MCC: variants seen among roughly 807,000 people sequenced by gnomAD.
MCC encodes the protein colorectal mutant cancer protein.
MCC carries 90 observed loss-of-function variants against 116.2 expected under a neutral mutation model. The ratio of observed to expected loss-of-function variants is 0.77; its 90% CI spans 0.65 to 0.92. The LOEUF (loss-of-function observed/expected upper bound fraction) is 0.92. Ranked by LOEUF, MCC falls within the 40% of genes least tolerant of loss-of-function variation. The pLI is 0.00. For missense variants in MCC, 1,516 were observed against 1,312.2 expected (o/e 1.16, Z -2.40); for synonymous variants, 578 against 510.5 (o/e 1.13, Z -1.78).
rs1477352213 is a variant in MCC at position 113,024,127 on chromosome 5, C to CT, written c.*3174dup. 1 of 152,034 alleles carries CT rather than the reference C, an allele frequency of 6.6e-6. No individual in the cohort carries two copies. The highest frequency in any genetic ancestry group is 2.4e-5 in the African/African-American group (1 of 41,274). The allele number at this position is 152,034 out of a possible 1,614,324, so 9.4% of individuals were successfully genotyped here. On this transcript the variant is annotated 3_prime_UTR_variant, in exon 19 of 19. Transcript: ENST00000408903. Reference sequence around the variant, plus strand: ...TTCCTTTTGGAGTAGAATGTCAAGGCTCTGACTTAGAAGAGGTCCCTCTAA... The same window carrying CT: ...TTCCTTTTGGAGTAGAATGTCAAGGCTTCTGACTTAGAAGAGGTCCCTCTAA...
chr5:113,048,963 G>A (rs998058562), intron 16 of MCC, 130 bp downstream of exon 16: 84 of 812,234 alleles, frequency 1.0e-4, no homozygotes, highest in Middle Eastern at 6.2e-4. Flanking sequence ...AGATACCTAC[G>A]AATGGCCTGC....
chr5:113,130,266 T>C (rs1758342610), intron 5 of MCC, among the ~76,000 whole-genome samples: 2 of 152,074 alleles, frequency 1.3e-5, no homozygotes, highest in African/African-American at 4.8e-5. Context: ...TGTTCTCACT[T>C]ATAAGTGGAA....
intron 14 of MCC, among the ~76,000 whole-genome samples, chr5:113,063,218 G>A (rs543277420): frequency 6.6e-6 from 1 of 152,322 alleles, no homozygotes; most frequent in Non-Finnish European, 1.5e-5. Flanking sequence ...GGTAAATAAA[G>A]GGAAGGCATT....
intron 3 of MCC, among the ~76,000 whole-genome samples, chr5:113,174,806 C>T (rs1761246849): frequency 1.3e-5 from 2 of 152,034 alleles, no homozygotes; most frequent in Non-Finnish European, 2.9e-5. Context: ...CCAGGCTGGT[C>T]TCAAACTCCT....
intron 3 of MCC, among the ~76,000 whole-genome samples, chr5:113,180,761 G>T (rs1285555058): frequency 2.0e-5 from 3 of 152,054 alleles, no homozygotes; most frequent in African/African-American, 7.2e-5. Context: ...AACATTAATG[G>T]CATGTCTATC....
At chr5:113,065,780 C>T (rs529245034) in intron 13 of MCC, among the ~76,000 whole-genome samples, 20 of 152,350 alleles carry the variant, frequency 1.3e-4, no homozygotes, top group Admixed American at 2.6e-4. Context: ...TGTGCAACAG[C>T]TCTATGGCAT....
intron 1 of MCC, among the ~76,000 whole-genome samples, chr5:113,438,620 A>C (rs1346504144): frequency 6.6e-6 from 1 of 152,170 alleles, no homozygotes; most frequent in Non-Finnish European, 1.5e-5. Context: ...CATTGGGCCC[A>C]AGTTATGTAC....
At chr5:113,297,749 CAAAAAAAAAAA>C (rs57148050) in intron 3 of MCC, among the ~76,000 whole-genome samples, 7 of 60,544 alleles carry the variant, frequency 1.2e-4, no homozygotes, top group African/African-American at 3.0e-4. Context: ...GACTCTGTCT[CAAAAAAAAAAA>C]AAAAAAAAAA....
intron 3 of MCC, among the ~76,000 whole-genome samples, chr5:113,250,901 G>T (rs1764776333): frequency 6.6e-6 from 1 of 152,176 alleles, no homozygotes; most frequent in African/African-American, 2.4e-5. Context: ...CACAGCCCCT[G>T]CAACAGGTAA....
chr5:113,345,085 G>C (rs1768100399), intron 2 of MCC, among the ~76,000 whole-genome samples: 2 of 152,006 alleles, frequency 1.3e-5, no homozygotes, highest in African/African-American at 4.8e-5. Context: ...GCTGACTGAA[G>C]AGCCTTTGCA....
In MCC at chr5:113,321,455, C is replaced by A. The variant is rs879592793; in HGVS notation, c.627+19064G>T. ...AGGAGGTAAAATCTAAGTCAGAGCT[C>A]GGCCTTCTGGATCTGAGAGGAAATG... is the stretch of plus-strand genomic sequence containing the variant. On this transcript the variant is annotated intron_variant, in intron 3 of 18. Coordinates refer to ENST00000408903, the MANE Select transcript of MCC (RefSeq NM_001085377.2). Among the ~76,000 whole-genome samples the A allele has an allele frequency of 2.6e-5, 4 of 152,170 alleles. No individual in the cohort carries two copies. In the East Asian group the frequency reaches 7.7e-4, roughly 29 times the overall value.
At chr5:113,375,986 G>A (rs189527439) in intron 2 of MCC, among the ~76,000 whole-genome samples, 29 of 152,206 alleles carry the variant, frequency 1.9e-4, no homozygotes, top group Admixed American at 4.6e-4. Flanking sequence ...GTGTCATAGC[G>A]AAGGCACGTA....
chr5:113,178,796 A>G (rs752570919), intron 3 of MCC, among the ~76,000 whole-genome samples: 17 of 152,062 alleles, frequency 1.1e-4, no homozygotes, highest in Admixed American at 2.0e-4. Context: ...TTTTCCTCCT[A>G]TCCTACCCTC....
chr5:113,422,725 T>C (rs1770374699), intron 1 of MCC, among the ~76,000 whole-genome samples: 1 of 152,168 alleles, frequency 6.6e-6, no homozygotes, highest in Middle Eastern at 3.4e-3. Flanking sequence ...AGAGGCAGAG[T>C]GAGCTGGAGG....
At chr5:113,108,053 T>G (rs558582641) in intron 6 of MCC, among the ~76,000 whole-genome samples, 1 of 152,190 alleles carries the variant, frequency 6.6e-6, no homozygotes, top group South Asian at 2.1e-4. Flanking sequence ...GTAAGGAAAG[T>G]AACCATAGAG....
At chr5:113,423,683 A>G (rs1479039989) in intron 1 of MCC, among the ~76,000 whole-genome samples, 1 of 152,214 alleles carries the variant, frequency 6.6e-6, no homozygotes, top group Non-Finnish European at 1.5e-5. Context: ...CAGTGAATGC[A>G]GGTGACGTTC....
chr5:113,100,660 C>G (rs1434040068), intron 8 of MCC, among the ~76,000 whole-genome samples: 1 of 151,750 alleles, frequency 6.6e-6, no homozygotes, highest in African/African-American at 2.4e-5. Flanking sequence ...CTAGTGGAGA[C>G]GGGGGTTTCA....
chr5:113,277,981 G>T (rs918902649), intron 3 of MCC, among the ~76,000 whole-genome samples: 1 of 152,048 alleles, frequency 6.6e-6, no homozygotes. Flanking sequence ...CATTCCTCAC[G>T]AACTGGATTT....
chr5:113,307,974 CTT>C (rs113157191), intron 3 of MCC, among the ~76,000 whole-genome samples: 1 of 144,732 alleles, frequency 6.9e-6, no homozygotes. Flanking sequence ...TGTCTAAATC[CTT>C]TTTTTTTTTT....
Sources: gnomAD v4.1 joint callset for allele counts (sites outside exome capture counted in the v4.1 genomes callset) on GRCh38, gnomAD v4.1.1 for gene constraint, MANE v1.5 for transcripts, NCBI Gene and HGNC (gene_info 2026-07-23, HGNC 2026-07-21) for gene names.